Variants in EIF4E3 observed in about 807,000 individuals in gnomAD.
EIF4E3 encodes eukaryotic translation initiation factor 4E type 3.
In EIF4E3, 26 loss-of-function variants were observed where a neutral mutation model predicts 31.7. The observed-to-expected ratio is 0.82, with a 90% confidence interval of 0.60 to 1.14. The LOEUF (loss-of-function observed/expected upper bound fraction) is 1.14. EIF4E3 is among the 50% of genes most tolerant of loss of function. The pLI is 0.00. For missense variants in EIF4E3, 304 were observed against 270.9 expected, an observed-to-expected ratio of 1.12 and a Z score of -0.86; for synonymous variants, 128 against 107.7, an observed-to-expected ratio of 1.19 and a Z score of -1.17.
At chr3:71,700,166 C>A (rs9869847) in intron 2 of EIF4E3, among the ~76,000 whole-genome samples, 52,481 of 151,928 alleles carry the variant, frequency 0.35, 9,518 homozygotes, top group East Asian at 0.47. Context: ...CAGGAGTGAG[C>A]CCCTGCCTCA....
At chr3:71,731,399 C>A (rs2049704647) in intron 1 of EIF4E3, among the ~76,000 whole-genome samples, 1 of 152,172 alleles carries the variant, frequency 6.6e-6, no homozygotes, top group Non-Finnish European at 1.5e-5. Flanking sequence ...TGGCTGACTC[C>A]TTCTCCTGCC....
At position 71,725,322 on chromosome 3, in the gene EIF4E3, G is replaced by A. The variant is rs1484707428; in HGVS notation, c.46C>T (p.Pro16Ser). The A allele has an allele frequency of 1.5e-5, 15 of 972,442 alleles. No individual in the cohort carries two copies. Among genetic ancestry groups the A allele is most frequent in the Non-Finnish European group, 1.7e-5 (14 of 820,088 alleles). The allele number at this position is 972,442 out of a possible 1,614,324, so 60.2% of individuals were successfully genotyped here. A position where few individuals can be genotyped will look rare whatever the true frequency, so the allele number is the denominator to read the frequency against. Residue 16 changes from proline (P) to serine (S), a missense_variant, in exon 1 of 7, where the codon CCG becomes TCG. Transcript: ENST00000425534. The surrounding 1 kb of genome is among the most constrained non-coding windows in gnomAD (Gnocchi z 6.1). ...AAAPPAGARE[P>S]PGSRAAAAAA... ...GCGGCGGCGGCGCGGGACCCCGGCG[G>A]CTCCCGGGCCCCGGCGGGGGGCGCG...
chr3:71,664,278 A>T, the EIF4E3 span, among the ~76,000 whole-genome samples: 4 of 152,222 alleles, frequency 2.6e-5, no homozygotes, highest in South Asian at 4.1e-4. Flanking sequence ...TACTCCATTT[A>T]AAAAAATGGA....
chr3:71,670,530 A>C (rs796201767), downstream of EIF4E3, among the ~76,000 whole-genome samples: 5 of 152,322 alleles, frequency 3.3e-5, no homozygotes, highest in African/African-American at 1.2e-4. Context: ...CGACTTAGGA[A>C]TAAAAAAAAG....
intron 1 of EIF4E3, among the ~76,000 whole-genome samples, chr3:71,732,787 G>T (rs951144926): frequency 6.6e-6 from 1 of 152,212 alleles, no homozygotes; most frequent in Non-Finnish European, 1.5e-5. Context: ...AATGTGATCA[G>T]AGGAAAGTCC....
intron 5 of EIF4E3, among the ~76,000 whole-genome samples, chr3:71,691,304 T>C (rs1338416424): frequency 6.6e-6 from 1 of 152,236 alleles, no homozygotes; most frequent in Non-Finnish European, 1.5e-5. Flanking sequence ...TAAAACATTT[T>C]AGTATTAGGA....
At chr3:71,662,563 G>A in the EIF4E3 span, among the ~76,000 whole-genome samples, 2 of 152,122 alleles carry the variant, frequency 1.3e-5, no homozygotes, top group East Asian at 1.9e-4. Flanking sequence ...TCTATGTTTC[G>A]TTCCCTTGAA....
chr3:71,749,473 A>T (rs896459643), intron 1 of EIF4E3, among the ~76,000 whole-genome samples: 7 of 152,234 alleles, frequency 4.6e-5, no homozygotes, highest in Admixed American at 6.5e-5. Flanking sequence ...AGTCAAACCA[A>T]CCTTCTCTAA....
the EIF4E3 span, among the ~76,000 whole-genome samples, chr3:71,662,341 G>A: frequency 7.2e-5 from 11 of 152,108 alleles, no homozygotes; most frequent in East Asian, 1.9e-4. Flanking sequence ...CCTTTCTCTC[G>A]GCCAACTCAT....
downstream of EIF4E3, among the ~76,000 whole-genome samples, chr3:71,672,253 A>G (rs1186240089): frequency 6.6e-6 from 1 of 152,002 alleles, no homozygotes; most frequent in African/African-American, 2.4e-5. Flanking sequence ...CCTCATCTTC[A>G]CAGCAGAAAC....
intron 3 of EIF4E3, among the ~76,000 whole-genome samples, chr3:71,697,814 T>C (rs2049160614): frequency 6.6e-6 from 1 of 152,244 alleles, no homozygotes; most frequent in Non-Finnish European, 1.5e-5. Flanking sequence ...CATTCATCTG[T>C]TGATGGACAC....
At chr3:71,725,591 C>G (rs1308511298), upstream of EIF4E3, among the ~76,000 whole-genome samples, 1 of 151,932 alleles carries the variant, frequency 6.6e-6, no homozygotes, top group Non-Finnish European at 1.5e-5. This position sits in a 1 kb window ranked among gnomAD's most constrained non-coding sequence, Gnocchi z 6.1. Context: ...AAGACAGACC[C>G]ACGGAGGGAT....
chr3:71,721,648 G>C (rs1029936263), intron 1 of EIF4E3, among the ~76,000 whole-genome samples: 2 of 152,088 alleles, frequency 1.3e-5, no homozygotes, highest in African/African-American at 4.8e-5. Context: ...TACCCTGCTT[G>C]CACTCACTTG....
intron 1 of EIF4E3, among the ~76,000 whole-genome samples, chr3:71,743,717 T>C (rs968067905): frequency 2.0e-5 from 3 of 152,148 alleles, no homozygotes; most frequent in Non-Finnish European, 2.9e-5. Context: ...TTAAGGCTTA[T>C]TATAAAGCCA....
intron 1 of EIF4E3, among the ~76,000 whole-genome samples, chr3:71,722,091 C>T (rs1174471203): frequency 3.5e-5 from 3 of 86,906 alleles, no homozygotes; most frequent in African/African-American, 6.3e-5. Flanking sequence ...TTGGCTTTTC[C>T]TCGGGGGGGC....
chr3:71,750,028 C>T (rs2049910838), intron 1 of EIF4E3, among the ~76,000 whole-genome samples: 1 of 152,160 alleles, frequency 6.6e-6, no homozygotes, highest in Non-Finnish European at 1.5e-5. Context: ...GCTGCTTCTG[C>T]TATTTGAGCC....
chr3:71,667,413 A>G, the EIF4E3 span, among the ~76,000 whole-genome samples: 4 of 152,206 alleles, frequency 2.6e-5, no homozygotes, highest in African/African-American at 7.2e-5. Context: ...GCAATTAGGC[A>G]AGAGGAAGAA....
At chr3:71,667,792 T>C in the EIF4E3 span, among the ~76,000 whole-genome samples, 1 of 152,332 alleles carries the variant, frequency 6.6e-6, no homozygotes, top group Non-Finnish European at 1.5e-5. Flanking sequence ...TGCTCATGAA[T>C]AGGAAGAATC....
intron 5 of EIF4E3, among the ~76,000 whole-genome samples, chr3:71,691,754 C>A (rs1009241809): frequency 2.0e-5 from 3 of 152,216 alleles, no homozygotes; most frequent in Admixed American, 1.3e-4. Context: ...TGGCCATTCA[C>A]AGAAACTTAT....
Sources: gnomAD v4.1 joint callset for allele counts (sites outside exome capture counted in the v4.1 genomes callset) on GRCh38, gnomAD v4.1.1 for gene constraint, Gnocchi (gnomAD v3.1) non-coding constraint, MANE v1.5 for transcripts, NCBI Gene and HGNC (gene_info 2026-07-23, HGNC 2026-07-21) for gene names.